PRDM16: variants seen among roughly 807,000 people sequenced by gnomAD.
The protein encoded by PRDM16 is PR/SET domain 16, also known as histone-lysine N-methyltransferase PRDM16.
A neutral mutation model predicts 110.6 loss-of-function variants in PRDM16; 23 were observed. The observed-to-expected ratio is 0.21, with a 90% CI of 0.15 to 0.29. PRDM16 has a LOEUF of 0.29. Among genes scored for constraint, PRDM16 ranks in the 10% least tolerant of loss-of-function variants. PRDM16 has a pLI of 1.00. For missense variants in PRDM16, 1,615 were observed against 1,794.3 expected (o/e 0.90, Z 1.81); for synonymous variants, 799 against 781.8 (o/e 1.02, Z -0.37).
At chr1:3,381,324 GTTTT>G (rs1274004015) in intron 3 of PRDM16, among the ~76,000 whole-genome samples, 10 of 151,242 alleles carry the variant, frequency 6.6e-5, no homozygotes, top group Non-Finnish European at 1.2e-4. Flanking sequence ...GACACGGATT[GTTTT>G]TCCAGGGATT....
chr1:3,421,546 C>G (rs1040911009), intron 12 of PRDM16, among the ~76,000 whole-genome samples: 5 of 152,198 alleles, frequency 3.3e-5, no homozygotes, highest in African/African-American at 1.2e-4. Flanking sequence ...CACGGCTCCC[C>G]TAAATTTCAA....
chr1:3,181,510 ACG>A lies in PRDM16; in HGVS notation c.38-4613_38-4612del, dbSNP rs1268989634. ...CACAGCCTTACGCATGGTCTTACACACGCAGTCTTACACAAGCGGTCTTACAC... is the reference window on the plus strand; with the variant it reads ...CACAGCCTTACGCATGGTCTTACACACAGTCTTACACAAGCGGTCTTACAC... On this transcript the variant is annotated intron_variant, in intron 1 of 16. Coordinates refer to ENST00000270722, the MANE Select transcript of PRDM16 (RefSeq NM_022114.4). Among the ~76,000 whole-genome samples, 123 of 85,014 alleles carry A rather than the reference ACG, an allele frequency of 1.4e-3. 23 individuals are homozygous for A. Among genetic ancestry groups the A allele is most frequent in the African/African-American group, 2.5e-3 (55 of 22,238 alleles). 55.8% of individuals were successfully genotyped at this position (85,014 alleles called of 152,430 possible).
chr1:3,223,736 G>A (rs905627793), intron 2 of PRDM16, among the ~76,000 whole-genome samples: 12 of 152,022 alleles, frequency 7.9e-5, no homozygotes, highest in African/African-American at 1.5e-4. Flanking sequence ...GAGGTCACGC[G>A]ATACCAGGGC....
rs1638628430 is a variant in PRDM16 at position 3,201,575 on chromosome 1, C to T, written c.387+15101C>T. 1.3e-5 allele frequency among the ~76,000 whole-genome samples: 2 copies of T among 152,204 alleles called. No individual in the cohort carries two copies. The highest frequency in any genetic ancestry group is 4.8e-5 in the African/African-American group (2 of 41,460). ...ACAGGAGGGCCACCCGGGGCAGCTG[C>T]CCTCTGAGGGACTTTTTGCCCCTGA... On this transcript the variant is annotated intron_variant, in intron 2 of 16. Transcript: ENST00000270722. The surrounding 1 kb of genome is among the most constrained non-coding windows in gnomAD (Gnocchi z 4.1).
chr1:3,174,164 C>T (rs115263256), intron 1 of PRDM16, among the ~76,000 whole-genome samples: 1,587 of 152,268 alleles, frequency 0.01, 12 homozygotes, highest in Middle Eastern at 0.02. Context: ...TCTGGTGGCT[C>T]CAGGCATTCC....
At chr1:3,107,254 G>A in intron 1 of PRDM16, among the ~76,000 whole-genome samples, 1 of 152,226 alleles carries the variant, frequency 6.6e-6, no homozygotes. Context: ...TGGTCTTGGG[G>A]GACCAGTCTG....
intron 3 of PRDM16, among the ~76,000 whole-genome samples, chr1:3,267,788 G>C (rs966313517): frequency 6.6e-6 from 1 of 152,180 alleles, no homozygotes; most frequent in African/African-American, 2.4e-5. Flanking sequence ...GCGCCGCTGC[G>C]GGTCCACAGT....
chr1:3,268,882 A>G (rs1640361033), intron 3 of PRDM16, among the ~76,000 whole-genome samples: 1 of 152,198 alleles, frequency 6.6e-6, no homozygotes, highest in South Asian at 2.1e-4. Context: ...AGGCTTCCCC[A>G]TGCTGCGCCA....
At chr1:3,391,042 G>C (rs1643292022) in intron 4 of PRDM16, among the ~76,000 whole-genome samples, 2 of 152,104 alleles carry the variant, frequency 1.3e-5, no homozygotes, top group South Asian at 4.1e-4. Flanking sequence ...CACCATGTTG[G>C]TCAGGCTGGT....
At chr1:3,264,384 G>T (rs1048634645) in intron 3 of PRDM16, among the ~76,000 whole-genome samples, 1 of 149,788 alleles carries the variant, frequency 6.7e-6, no homozygotes, top group Admixed American at 6.6e-5. Context: ...GGGCCAGGAG[G>T]GGAGGAAAGG....
At chr1:3,260,152 C>A (rs1017215441) in intron 3 of PRDM16, among the ~76,000 whole-genome samples, 1 of 152,186 alleles carries the variant, frequency 6.6e-6, no homozygotes, top group East Asian at 1.9e-4. Context: ...TTGTGTGAAC[C>A]CAAGCAACTA....
chr1:3,215,565 ACCCT>A (rs150705746), intron 2 of PRDM16, among the ~76,000 whole-genome samples: 1,919 of 151,866 alleles, frequency 0.013, 42 homozygotes, highest in African/African-American at 0.044. Context: ...CTGCAGCCCC[ACCCT>A]CCCTCCACCG....
chr1:3,325,939 C>A (rs1340841714), intron 3 of PRDM16, among the ~76,000 whole-genome samples: 4 of 142,570 alleles, frequency 2.8e-5, no homozygotes, highest in Non-Finnish European at 3.1e-5. Context: ...CCTCTTGGCC[C>A]TCCTTGGCCA....
chr1:3,344,208 C>T (rs143408784), intron 3 of PRDM16, among the ~76,000 whole-genome samples: 150 of 152,204 alleles, frequency 9.9e-4, no homozygotes, highest in African/African-American at 3.5e-3. Flanking sequence ...TGCGATGGTG[C>T]ACCGTCATAG....
At chr1:3,414,741 A>G (rs1220961394) in intron 10 of PRDM16, 94 bp downstream of exon 10, 1 of 961,260 alleles carries the variant, frequency 1.0e-6, no homozygotes, top group Non-Finnish European at 1.6e-6. Flanking sequence ...GCTGGAGCCT[A>G]AGTCCCCGTC....
chr1:3,229,075 C>T (rs114731593), intron 2 of PRDM16, among the ~76,000 whole-genome samples: 1,853 of 152,328 alleles, frequency 0.012, 35 homozygotes, highest in African/African-American at 0.041. Flanking sequence ...GGAAGGTGCC[C>T]GTTTCTAAAG....
chr1:3,216,204 A>T (rs147598581), intron 2 of PRDM16, among the ~76,000 whole-genome samples: 11 of 152,112 alleles, frequency 7.2e-5, no homozygotes, highest in African/African-American at 2.7e-4. Flanking sequence ...ATATCCCAGC[A>T]AGGAGCTGGG....
At chr1:3,204,307 G>C (rs1448349287) in intron 2 of PRDM16, among the ~76,000 whole-genome samples, 1 of 152,140 alleles carries the variant, frequency 6.6e-6, no homozygotes, top group Non-Finnish European at 1.5e-5. Context: ...TGGGGTAACT[G>C]TGGACCCCGC....
intron 1 of PRDM16, among the ~76,000 whole-genome samples, chr1:3,180,953 CGCAG>C (rs1644147981): frequency 6.7e-6 from 1 of 150,332 alleles, no homozygotes; most frequent in African/African-American, 2.4e-5. Flanking sequence ...GCCTTACACA[CGCAG>C]TCTTACACAC....
Sources: allele counts gnomAD v4.1 joint callset (sites outside exome capture counted in the v4.1 genomes callset), GRCh38; gene constraint gnomAD v4.1.1; non-coding constraint Gnocchi (gnomAD v3.1); transcripts MANE v1.5; gene names NCBI Gene and HGNC (gene_info 2026-07-23, HGNC 2026-07-21).